The following GLT8D2 variants were observed in gnomAD, a reference collection of about 807,000 sequenced individuals.
GLT8D2 encodes the protein glycosyltransferase 8 domain-containing protein 2.
In GLT8D2, 45 loss-of-function variants were observed where a neutral mutation model predicts 44.5. The observed-to-expected ratio is 1.01, with a 90% confidence interval of 0.80 to 1.30. The LOEUF (loss-of-function observed/expected upper bound fraction) is 1.30. GLT8D2 is among the 50% of genes most tolerant of loss of function. The pLI, the probability that GLT8D2 is intolerant of heterozygous loss-of-function variation, is 0.00. For missense variants in GLT8D2, 400 were observed against 430.4 expected (o/e 0.93, Z 0.62); for synonymous variants, 156 against 157.2 (o/e 0.99, Z 0.06).
chr12:104,043,100 C>G (rs371029415), intron 1 of GLT8D2, among the ~76,000 whole-genome samples: 2 of 152,146 alleles, frequency 1.3e-5, no homozygotes, highest in Non-Finnish European at 2.9e-5. Context: ...GCACGTGGCC[C>G]GGGGGACTCG....
chr12:104,051,888 A>C (rs1227423813), upstream of GLT8D2, among the ~76,000 whole-genome samples: 1 of 152,168 alleles, frequency 6.6e-6, no homozygotes, highest in Non-Finnish European at 1.5e-5. Context: ...AGATTCATTT[A>C]AGGTAATGGA....
Position 104,034,757 on chromosome 12 carries a change from C to T in GLT8D2, c.-163-13266G>A, listed in dbSNP as rs12305903. Among the ~76,000 whole-genome samples the T allele has an allele frequency of 6.5e-3, 996 of 152,366 alleles. 16 individuals are homozygous for T. The highest frequency in any genetic ancestry group is 0.023 in the African/African-American group (942 of 41,588). ...CAGCAGAAACTTCTGCAGACTTAAA[C>T]ATCCCTGTCTGACAGCTCTGAAGAG... On this transcript the variant is annotated intron_variant, in intron 1 of 10. Transcript: ENST00000360814.
At chr12:104,008,607 A>G (rs1396665558) in intron 4 of GLT8D2, among the ~76,000 whole-genome samples, 2 of 152,244 alleles carry the variant, frequency 1.3e-5, no homozygotes, top group African/African-American at 4.8e-5. Flanking sequence ...AGAAATTTGC[A>G]TAAGTAACAA....
intron 4 of GLT8D2, among the ~76,000 whole-genome samples, chr12:104,004,919 G>A (rs1002880706): frequency 4.5e-4 from 69 of 152,192 alleles, no homozygotes; most frequent in African/African-American, 1.3e-3. Flanking sequence ...AGCCCGCATC[G>A]CCAAGTCAAT....
At chr12:104,035,458 G>A (rs1014583336) in intron 1 of GLT8D2, among the ~76,000 whole-genome samples, 5 of 152,176 alleles carry the variant, frequency 3.3e-5, no homozygotes, top group Admixed American at 1.3e-4. Context: ...AACAAACAGT[G>A]TACAGAGGAC....
At chr12:103,990,106 T>TCTGTAGG in intron 10 of GLT8D2, among the ~76,000 whole-genome samples, 5 of 61,946 alleles carry the variant, frequency 8.1e-5, no homozygotes, top group South Asian at 1.3e-3. Flanking sequence ...TATATATATA[T>TCTGTAGG]ATATATATAT....
intron 1 of GLT8D2, chr12:104,030,689 A>C: frequency 6.3e-7 from 1 of 1,591,612 alleles, no homozygotes; most frequent in African/African-American, 1.3e-5. Context: ...ACAACTCAAT[A>C]GCAAAAAAAC....
rs146087111 is a variant in GLT8D2, at chr12:104,018,255, A to T, written c.19+1375T>A. Among the ~76,000 whole-genome samples the T allele has an allele frequency of 7.1e-3, 1,079 of 152,268 alleles. 10 individuals carry two copies. Among genetic ancestry groups the T allele is most frequent in the Non-Finnish European group, 8.9e-3 (604 of 68,032 alleles). On this transcript the variant is annotated intron_variant, in intron 3 of 10. Transcript: ENST00000360814. Reference sequence around the variant, plus strand: ...CCAAAGTGCTGGGAATACAGGCATGAGCCACCGCACCTGGCCTGTATTATT... The same window carrying T: ...CCAAAGTGCTGGGAATACAGGCATGTGCCACCGCACCTGGCCTGTATTATT...
At chr12:104,001,458 T>C (rs1874208352) in intron 5 of GLT8D2, among the ~76,000 whole-genome samples, 1 of 152,246 alleles carries the variant, frequency 6.6e-6, no homozygotes. Flanking sequence ...TATTGCCATG[T>C]TGACCTTGCC....
At chr12:104,028,578 A>T (rs1490126513) in intron 1 of GLT8D2, among the ~76,000 whole-genome samples, 1 of 152,206 alleles carries the variant, frequency 6.6e-6, no homozygotes, top group Admixed American at 6.5e-5. Context: ...TAAGAACCAT[A>T]TAAGAACCCC....
At chr12:104,058,442 T>C (rs1288374091) in intron 1 of GLT8D2, among the ~76,000 whole-genome samples, 1 of 152,196 alleles carries the variant, frequency 6.6e-6, no homozygotes, top group Non-Finnish European at 1.5e-5. Context: ...AATTTCAGTG[T>C]TGAATATTAG....
chr12:104,040,791 A>G (rs190503345), intron 1 of GLT8D2, among the ~76,000 whole-genome samples: 147 of 152,304 alleles, frequency 9.7e-4, no homozygotes, highest in African/African-American at 3.5e-3. Flanking sequence ...AGGTACTTTT[A>G]GCTTTTTAGA....
intron 1 of GLT8D2, among the ~76,000 whole-genome samples, chr12:104,038,164 T>C (rs2136461028): frequency 6.6e-6 from 1 of 152,326 alleles, no homozygotes; most frequent in East Asian, 1.9e-4. Flanking sequence ...AAGAGCTATT[T>C]ATGACAAACC....
Position 104,016,777 on chromosome 12 carries a change from AGG to A in GLT8D2, c.20-1674_20-1673del, listed in dbSNP as rs1248484712. On this transcript the variant is annotated intron_variant, in intron 3 of 10. Coordinates refer to ENST00000360814, the MANE Select transcript of GLT8D2 (RefSeq NM_001384711.1). Reference sequence around the variant, plus strand: ...AAAGAAAGAAAGAAAGAAAGAAAGAAGGAAGGAAGGAAGGAAGGAAGGAAGGA... The same window carrying A: ...AAAGAAAGAAAGAAAGAAAGAAAGAAAAGGAAGGAAGGAAGGAAGGAAGGA... 6.3e-3 allele frequency among the ~76,000 whole-genome samples: 533 copies of A among 85,088 alleles called. 1 individual carries two copies. Among genetic ancestry groups the A allele is most frequent in the African/African-American group, 8.8e-3 (184 of 21,028 alleles). The allele number at this position is 85,088 out of a possible 152,430, so 55.8% of individuals were successfully genotyped here. A position where few individuals can be genotyped will look rare whatever the true frequency, so the allele number is the denominator to read the frequency against.
In GLT8D2 at chr12:104,003,240, C is replaced by T. The variant is rs1032735043; in HGVS notation, c.179G>A (p.Gly60Glu). Residue 60 changes from glycine (G) to glutamate (E), a missense_variant, in exon 5 of 11, where the codon GGG (glycine) becomes GAG (glutamate). Gly to Glu is a moderately conservative substitution (Grantham distance 98). Coordinates refer to ENST00000360814, the MANE Select transcript of GLT8D2 (RefSeq NM_001384711.1). Reference sequence around the variant, plus strand: ...GGCAGCCATAGTGGCACCCATCCTCCCTGCTGCAGCACAAATCACCACAGG... The same window carrying T: ...GGCAGCCATAGTGGCACCCATCCTCTCTGCTGCAGCACAAATCACCACAGG... ...EIPVVICAAA[G>E]RMGATMAAIN... 2 of 1,614,088 alleles carry T rather than the reference C, an allele frequency of 1.2e-6. No homozygotes were observed. The highest frequency in any genetic ancestry group is 1.7e-6 in the Non-Finnish European group (2 of 1,179,964).
At chr12:104,044,780 C>T (rs889776466) in intron 1 of GLT8D2, among the ~76,000 whole-genome samples, 1 of 152,212 alleles carries the variant, frequency 6.6e-6, no homozygotes, top group African/African-American at 2.4e-5. Flanking sequence ...ACAAATGCAG[C>T]TTGAGTAGCC....
Position 104,021,753 on chromosome 12 carries a change from C to T in GLT8D2, c.-163-262G>A, listed in dbSNP as rs146075272. ...GCAGTGAGCCATGGCTGCTGCACTC[C>T]AGCTGGGAGACAGAGCAAAACCCTG... On this transcript the variant is annotated intron_variant, in intron 1 of 10. Transcript: ENST00000360814. Among the ~76,000 whole-genome samples, 65 of 150,532 alleles carry T rather than the reference C, an allele frequency of 4.3e-4. 2 individuals carry two copies. In the East Asian group the frequency reaches 0.012, roughly 29 times the overall value.
chr12:104,022,182 A>G (rs931891849), intron 1 of GLT8D2, among the ~76,000 whole-genome samples: 3 of 152,198 alleles, frequency 2.0e-5, no homozygotes, highest in African/African-American at 7.2e-5. Context: ...CCCAAGTCAC[A>G]GCAATAATAT....
intron 1 of GLT8D2, among the ~76,000 whole-genome samples, chr12:104,047,259 T>C (rs1335234166): frequency 6.6e-6 from 1 of 151,652 alleles, no homozygotes; most frequent in African/African-American, 2.4e-5. Context: ...TAGCACGTTC[T>C]AGCTGTGTCC....
Sources: gnomAD v4.1 joint callset for allele counts (sites outside exome capture counted in the v4.1 genomes callset) on GRCh38, gnomAD v4.1.1 for gene constraint, MANE v1.5 for transcripts, NCBI Gene and HGNC (gene_info 2026-07-23, HGNC 2026-07-21) for gene names.